Variants in ACSBG2 observed in about 807,000 individuals in gnomAD.
ACSBG2 encodes long-chain-fatty-acid--CoA ligase ACSBG2.
A neutral mutation model predicts 74.7 loss-of-function variants in ACSBG2; 62 were observed. The ratio of observed to expected loss-of-function variants is 0.83; its 90% CI spans 0.68 to 1.03. The LOEUF (loss-of-function observed/expected upper bound fraction) is 1.03, where lower values mean the gene tolerates loss of function less well. Ranked by LOEUF, ACSBG2 falls within the 50% of genes least tolerant of loss-of-function variation. ACSBG2 has a pLI of 0.00. For synonymous variants in ACSBG2, 309 were observed against 294.1 expected (o/e 1.05, Z -0.52); for missense variants, 730 against 817.6 (o/e 0.89, Z 1.31).
At chr19:6,149,307 C>A (rs2089151766) in intron 3 of ACSBG2, among the ~76,000 whole-genome samples, 1 of 152,090 alleles carries the variant, frequency 6.6e-6, no homozygotes, top group South Asian at 2.1e-4. Context: ...AAATGCCTTC[C>A]AAATGGTTCC....
At chr19:6,153,917 GAAAA>G (rs2089324500) in intron 4 of ACSBG2, among the ~76,000 whole-genome samples, 1 of 143,554 alleles carries the variant, frequency 7.0e-6, no homozygotes, top group Non-Finnish European at 1.6e-5. Context: ...AAAGAAAAAA[GAAAA>G]GAAAAGAAGG....
intron 7 of ACSBG2, among the ~76,000 whole-genome samples, chr19:6,176,768 G>A (rs1460108902): frequency 6.6e-6 from 1 of 152,032 alleles, no homozygotes; most frequent in Non-Finnish European, 1.5e-5. Flanking sequence ...TAAATGACTT[G>A]GTGTTTGTAA....
At chr19:6,173,455 G>A (rs149673791) in intron 7 of ACSBG2, among the ~76,000 whole-genome samples, 3 of 152,290 alleles carry the variant, frequency 2.0e-5, no homozygotes, top group African/African-American at 7.2e-5. Flanking sequence ...GTTGGCCTGG[G>A]TTGCAAGGGC....
Position 6,165,874 on chromosome 19 carries a change from T to C in ACSBG2, c.597T>C (p.Asp199=). The change falls in exon 7 of 15, where the codon GAT becomes GAC. Residue 199 remains aspartate, a synonymous_variant. Coordinates refer to ENST00000588485, the MANE Select transcript of ACSBG2 (RefSeq NM_030924.5). ...GTCTTTTCTGTCCACAGTGGGATGA[T>C]TTCATGGAACTTGGCAGAAGTATCC... The part of the protein sequence containing the change: ...KKNNNLYSWD[D]FMELGRSIPD... 1 of 1,614,022 alleles carries C rather than the reference T, an allele frequency of 6.2e-7. No individual in the cohort carries two copies. Among genetic ancestry groups the C allele is most frequent in the South Asian group, 1.1e-5 (1 of 91,086 alleles).
intron 3 of ACSBG2, 141 bp downstream of exon 3, chr19:6,147,816 C>A: frequency 2.4e-6 from 2 of 823,400 alleles, no homozygotes; most frequent in Non-Finnish European, 3.9e-6. Flanking sequence ...GATTCATGAG[C>A]CTCAGCCACT....
intron 14 of ACSBG2, chr19:6,191,217 T>C: frequency 6.6e-6 from 1 of 152,632 alleles, no homozygotes; most frequent in Non-Finnish European, 1.5e-5. Flanking sequence ...CATGACACCA[T>C]GAATCACTGA....
intron 4 of ACSBG2, among the ~76,000 whole-genome samples, chr19:6,154,433 A>AGAGAGAGAGAG (rs1555691736): frequency 2.1e-5 from 1 of 47,762 alleles, no homozygotes; most frequent in Non-Finnish European, 6.4e-5. Flanking sequence ...AGAGAGAGAG[A>AGAGAGAGAGAG]AAATTATTAT....
chr19:6,173,135 A>G (rs972856), intron 7 of ACSBG2, among the ~76,000 whole-genome samples: 101,161 of 152,032 alleles, frequency 0.67, 34,098 homozygotes, highest in African/African-American at 0.74. Context: ...GGTGGGCTGC[A>G]TTCTCCTCCT....
intron 7 of ACSBG2, among the ~76,000 whole-genome samples, chr19:6,169,325 C>T (rs914346240): frequency 7.9e-5 from 12 of 152,298 alleles, no homozygotes; most frequent in Middle Eastern, 3.4e-3. Context: ...AGCCAGTTTT[C>T]CCAGCACCAC....
At chr19:6,162,179 TC>T (rs1450579987) in intron 6 of ACSBG2, among the ~76,000 whole-genome samples, 2 of 145,574 alleles carry the variant, frequency 1.4e-5, no homozygotes, top group Non-Finnish European at 3.0e-5. Context: ...GGCAGGAGAA[TC>T]GCTTGAACCC....
In ACSBG2 at chr19:6,185,728, G is replaced by A. The variant is rs1255707435; in HGVS notation, c.1540+75G>A. The A allele has an allele frequency of 7.3e-6, 11 of 1,498,568 alleles. No homozygotes were observed. The Admixed American group carries it at 1.9e-4, about 26-fold the overall frequency. 92.8% of individuals were successfully genotyped at this position (1,498,568 alleles called of 1,614,324 possible). On this transcript the variant is annotated intron_variant, in intron 11 of 14. Transcript: ENST00000588485. ...GAACATTTAAGGGCCCAGGGTACCA[G>A]CACGAAGGCCACCCCCAGTTCCTCA...
chr19:6,151,875 G>A, intron 4 of ACSBG2, 80 bp downstream of exon 4: 1 of 1,362,308 alleles, frequency 7.3e-7, no homozygotes, highest in South Asian at 1.3e-5. Flanking sequence ...TGTCCAGTGT[G>A]AGATGCAAAC....
chr19:6,166,238 T>C (rs1204712218), intron 7 of ACSBG2, among the ~76,000 whole-genome samples: 1 of 150,424 alleles, frequency 6.6e-6, no homozygotes, highest in African/African-American at 2.5e-5. Flanking sequence ...TGGCAGGGTA[T>C]GCACCCAGCA....
intron 5 of ACSBG2, chr19:6,160,870 C>T (rs556161432): frequency 3.4e-4 from 59 of 173,780 alleles, no homozygotes; most frequent in African/African-American, 1.2e-3. Context: ...GAGGCCGAGG[C>T]GGGGGGATCA....
chr19:6,147,180 C>A (rs10424597), intron 2 of ACSBG2, among the ~76,000 whole-genome samples: 1 of 152,008 alleles, frequency 6.6e-6, no homozygotes, highest in Admixed American at 6.6e-5. Context: ...TGGTAAAACG[C>A]TAGCAGTTGT....
rs1568226772 is a variant in ACSBG2, at chr19:6,154,434, A to AGAT, written c.387-1997_387-1996insGAT. On this transcript the variant is annotated intron_variant, in intron 4 of 14. Coordinates refer to ENST00000588485, the MANE Select transcript of ACSBG2 (RefSeq NM_030924.5). ...AGAGAGAGAGAGAGAGAGAGAGAGA[A>AGAT]AATTATTATTATATATATAAAATAT... Among the ~76,000 whole-genome samples, 373 of 38,194 alleles carry AGAT rather than the reference A, an allele frequency of 9.8e-3. 3 individuals carry two copies. The highest frequency in any genetic ancestry group is 0.068 in the East Asian group (39 of 574). 25.1% of individuals were successfully genotyped at this position (38,194 alleles called of 152,430 possible).
At chr19:6,192,604 T>G (rs1430219676) in intron 14 of ACSBG2, 64 bp from the exon 15 acceptor site, 4 of 152,224 alleles carry the variant, frequency 2.6e-5, no homozygotes, top group Non-Finnish European at 1.5e-5. Flanking sequence ...TGTGGGATCT[T>G]GGAGACTGAA....
intron 5 of ACSBG2, among the ~76,000 whole-genome samples, chr19:6,159,385 G>T (rs1175709106): frequency 2.6e-5 from 4 of 152,248 alleles, no homozygotes; most frequent in Admixed American, 2.6e-4. Context: ...AGCTGGGAAT[G>T]CTGGCTTAAT....
rs2090223418 is a variant in ACSBG2 at position 6,180,792 on chromosome 19, C to T, written c.907-1959C>T. Among the ~76,000 whole-genome samples, 3 of 152,164 alleles carry T rather than the reference C, an allele frequency of 2.0e-5. No individual in the cohort carries two copies. Among genetic ancestry groups the T allele is most frequent in the African/African-American group, 7.2e-5 (3 of 41,442 alleles). The stretch of plus-strand genomic sequence containing the variant: ...TGGTGATTAATGATAGTGAGCATCT[C>T]TTCATGTGTTTATTGACCATTTACA... On this transcript the variant is annotated intron_variant, in intron 8 of 14. Coordinates refer to ENST00000588485, the MANE Select transcript of ACSBG2 (RefSeq NM_030924.5). The surrounding 1 kb of genome is among the most constrained non-coding windows in gnomAD (Gnocchi z 4.3).
Sources: allele counts gnomAD v4.1 joint callset (sites outside exome capture counted in the v4.1 genomes callset), GRCh38; gene constraint gnomAD v4.1.1; non-coding constraint Gnocchi (gnomAD v3.1); transcripts MANE v1.5; gene names NCBI Gene and HGNC (gene_info 2026-07-23, HGNC 2026-07-21).